Variants in CADM2 observed in about 807,000 individuals in gnomAD.
CADM2 encodes immunoglobulin superfamily member 4D.
In CADM2, 12 loss-of-function variants were observed where a neutral mutation model predicts 49.8. That is an observed-to-expected ratio of 0.24 (90% CI 0.15 to 0.39). CADM2 has a LOEUF of 0.39. Ranked by LOEUF, CADM2 falls within the 10% of genes least tolerant of loss-of-function variation. The pLI, the probability that CADM2 is intolerant of heterozygous loss-of-function variation, is 1.00. For missense variants in CADM2, 378 were observed against 492.3 expected (o/e 0.77, Z 2.20); for synonymous variants, 214 against 175.4 (o/e 1.22, Z -1.74).
chr3:85,451,622 G>A (rs1447257333), intron 1 of CADM2, among the ~76,000 whole-genome samples: 2 of 152,032 alleles, frequency 1.3e-5, no homozygotes, highest in African/African-American at 2.4e-5. Flanking sequence ...CCCTCAGAAT[G>A]TCTAACACAG....
chr3:85,038,619 A>C (rs2035313392), intron 1 of CADM2, among the ~76,000 whole-genome samples: 1 of 152,206 alleles, frequency 6.6e-6, no homozygotes, highest in Non-Finnish European at 1.5e-5. Flanking sequence ...AGATTTATAC[A>C]TTCCTGAACT....
At chr3:85,223,806 T>C (rs1482537359) in intron 1 of CADM2, among the ~76,000 whole-genome samples, 1 of 152,114 alleles carries the variant, frequency 6.6e-6, no homozygotes, top group Non-Finnish European at 1.5e-5. Context: ...CCTGTGTCCA[T>C]GTGTTCTTAC....
At chr3:85,741,647 G>A (rs111593519) in intron 2 of CADM2, among the ~76,000 whole-genome samples, 5,519 of 152,208 alleles carry the variant, frequency 0.036, 315 homozygotes, top group African/African-American at 0.12. Flanking sequence ...CAGCCTGGGC[G>A]ACAGGCAAGA....
At chr3:85,158,936 T>C (rs2040229058) in intron 1 of CADM2, among the ~76,000 whole-genome samples, 1 of 152,096 alleles carries the variant, frequency 6.6e-6, no homozygotes. Context: ...GAGAGAAAGA[T>C]AGTTGCATAT....
intron 8 of CADM2, among the ~76,000 whole-genome samples, chr3:86,045,129 G>A (rs1158620308): frequency 1.3e-5 from 2 of 151,854 alleles, no homozygotes; most frequent in South Asian, 4.2e-4. Flanking sequence ...AATGGGTGCA[G>A]CACACCAACA....
chr3:85,669,211 C>A (rs1171947774), intron 1 of CADM2, among the ~76,000 whole-genome samples: 5 of 151,924 alleles, frequency 3.3e-5, no homozygotes, highest in Admixed American at 3.3e-4. Context: ...AAAAAATAAG[C>A]CTTAACAAGT....
chr3:85,938,289 T>C (rs1396703816), intron 7 of CADM2, among the ~76,000 whole-genome samples: 1 of 152,092 alleles, frequency 6.6e-6, no homozygotes, highest in African/African-American at 2.4e-5. Flanking sequence ...TAATTGGATT[T>C]TCCCAGAAGG....
intron 1 of CADM2, among the ~76,000 whole-genome samples, chr3:85,417,060 G>T (rs1278009860): frequency 2.0e-5 from 3 of 151,764 alleles, no homozygotes; most frequent in African/African-American, 4.8e-5. Flanking sequence ...CTAACATGTA[G>T]AAAAATGTTC....
chr3:85,660,358 A>G (rs2065361451), intron 1 of CADM2, among the ~76,000 whole-genome samples: 1 of 151,916 alleles, frequency 6.6e-6, no homozygotes, highest in African/African-American at 2.4e-5. Flanking sequence ...AGAACAGCAG[A>G]TAGTCTACAA....
chr3:85,034,489 T>C (rs1219600514), intron 1 of CADM2, among the ~76,000 whole-genome samples: 1 of 152,168 alleles, frequency 6.6e-6, no homozygotes, highest in African/African-American at 2.4e-5. Context: ...TTTCTTTATC[T>C]ATTCATATGC....
intron 8 of CADM2, among the ~76,000 whole-genome samples, chr3:86,033,415 C>G (rs1734772417): frequency 1.3e-5 from 2 of 151,772 alleles, no homozygotes; most frequent in African/African-American, 4.8e-5. Context: ...TATTTCCTCT[C>G]AATTGTTGGA....
chr3:85,625,376 A>G (rs945014517), intron 1 of CADM2, among the ~76,000 whole-genome samples: 2 of 152,050 alleles, frequency 1.3e-5, no homozygotes, highest in Non-Finnish European at 2.9e-5. Context: ...TTTTAGTGAA[A>G]AAAGAAAAAA....
intron 1 of CADM2, among the ~76,000 whole-genome samples, chr3:85,214,966 T>C (rs2041885038): frequency 6.6e-6 from 1 of 152,040 alleles, no homozygotes; most frequent in South Asian, 2.1e-4. Context: ...GCTAAGCTAG[T>C]ACTCATGCTG....
Position 85,202,068 on chromosome 3 carries a change from G to C in CADM2, c.61+242400G>C, listed in dbSNP as rs1287779989. 2.7e-5 allele frequency among the ~76,000 whole-genome samples: 3 copies of C among 112,866 alleles called. No individual in the cohort carries two copies. The East Asian group carries it at 8.2e-4, about 31-fold the overall frequency. The allele number at this position is 112,866 out of a possible 152,430, so 74.0% of individuals were successfully genotyped here. ...GCTCTCCAGCCTGGTGACAGAGCGA[G>C]ACTCTGTCTGAAAAAAAAAAAAAAA... On this transcript the variant is annotated intron_variant, in intron 1 of 9. Transcript: ENST00000383699.
intron 1 of CADM2, among the ~76,000 whole-genome samples, chr3:85,611,415 A>T (rs2063679249): frequency 6.6e-6 from 1 of 152,030 alleles, no homozygotes; most frequent in African/African-American, 2.4e-5. Context: ...TTTTCAATTT[A>T]TCTTGGGTTA....
At chr3:85,738,317 T>C (rs2068231401) in intron 2 of CADM2, among the ~76,000 whole-genome samples, 1 of 152,218 alleles carries the variant, frequency 6.6e-6, no homozygotes, top group African/African-American at 2.4e-5. Context: ...ATTGAAGACC[T>C]GAATTCTGAT....
chr3:85,960,897 T>C (rs1165024533), intron 7 of CADM2, among the ~76,000 whole-genome samples: 2 of 149,822 alleles, frequency 1.3e-5, no homozygotes, highest in Non-Finnish European at 3.0e-5. Context: ...TTTATCTTTT[T>C]TATATTTATT....
intron 8 of CADM2, among the ~76,000 whole-genome samples, chr3:85,970,060 TTGGTC>T (rs1422459188): frequency 1.3e-5 from 2 of 149,960 alleles, no homozygotes; most frequent in Non-Finnish European, 3.0e-5. Flanking sequence ...TTGATATTCC[TTGGTC>T]ACCAAAATAA....
chr3:85,018,793 C>G (rs138022536), intron 1 of CADM2, among the ~76,000 whole-genome samples: 1 of 152,162 alleles, frequency 6.6e-6, no homozygotes, highest in South Asian at 2.1e-4. Context: ...TAAATTCTGT[C>G]ATTTAATTAG....
Sources: allele counts gnomAD v4.1 joint callset (sites outside exome capture counted in the v4.1 genomes callset), GRCh38; gene constraint gnomAD v4.1.1; transcripts MANE v1.5; gene names NCBI Gene and HGNC (gene_info 2026-07-23, HGNC 2026-07-21).